The following KDM2B variants were observed in gnomAD, a reference collection of about 807,000 sequenced individuals.
The protein encoded by KDM2B is lysine demethylase 2B.
A neutral mutation model predicts 150.0 loss-of-function variants in KDM2B; 26 were observed. That is an observed-to-expected ratio of 0.17 (90% confidence interval 0.13 to 0.24). The LOEUF (loss-of-function observed/expected upper bound fraction) is 0.24, where lower values mean the gene tolerates loss of function less well. KDM2B is among the 10% of genes least tolerant of loss of function. The pLI is 1.00. For synonymous variants in KDM2B, 734 were observed against 729.5 expected, an observed-to-expected ratio of 1.01 and a Z score of -0.10; for missense variants, 1,265 against 1,816.9, an observed-to-expected ratio of 0.70 and a Z score of 5.52.
intron 12 of KDM2B, among the ~76,000 whole-genome samples, chr12:121,487,411 A>G (rs2140196459): frequency 6.6e-6 from 1 of 152,296 alleles, no homozygotes; most frequent in African/African-American, 2.4e-5. Flanking sequence ...TCGGAGGCCC[A>G]GGTTTCTCTT....
chr12:121,440,813 C>G lies in KDM2B; in HGVS notation c.3610+3G>C. ...CACAGAAACCCCCAGCCTGGCAACTCACCTGGCCTGTTGTCTGTGGGCGGG... is the reference window on the plus strand; with the variant it reads ...CACAGAAACCCCCAGCCTGGCAACTGACCTGGCCTGTTGTCTGTGGGCGGG... On this transcript the variant is annotated splice_donor_region_variant and intron_variant, in intron 21 of 22. Coordinates refer to ENST00000377071, the MANE Select transcript of KDM2B (RefSeq NM_032590.5). 1 of 1,606,320 alleles carries G rather than the reference C, an allele frequency of 6.2e-7. No homozygotes were observed. Among genetic ancestry groups the G allele is most frequent in the Non-Finnish European group, 8.5e-7 (1 of 1,175,924 alleles).
chr12:121,461,748 A>G (rs1209363249), intron 12 of KDM2B, among the ~76,000 whole-genome samples: 1 of 152,202 alleles, frequency 6.6e-6, no homozygotes, highest in Admixed American at 6.5e-5. Context: ...AACCAGAGCT[A>G]AGGTACACAC....
rs1489432040 is a variant in KDM2B, at chr12:121,549,696, A to G, written c.398-58T>C. The G allele has an allele frequency of 6.9e-7, 1 of 1,444,846 alleles. No homozygotes were observed. The highest frequency in any genetic ancestry group is 9.4e-7 in the Non-Finnish European group (1 of 1,069,494). 89.5% of individuals were successfully genotyped at this position (1,444,846 alleles called of 1,614,324 possible). A position where few individuals can be genotyped will look rare whatever the true frequency, so the allele number is the denominator to read the frequency against. On this transcript the variant is annotated intron_variant, in intron 4 of 22. Transcript: ENST00000377071. This position sits in a 1 kb window ranked among gnomAD's most constrained non-coding sequence, Gnocchi z 4.4. Reference sequence around the variant, plus strand: ...GCCGGCTTAAGGCTCCAGATCCTACATGGGAGCCCCTCACTAAACAAAAGC... The same window carrying G: ...GCCGGCTTAAGGCTCCAGATCCTACGTGGGAGCCCCTCACTAAACAAAAGC...
chr12:121,529,103 C>T (rs1887409828), intron 8 of KDM2B, among the ~76,000 whole-genome samples: 1 of 152,204 alleles, frequency 6.6e-6, no homozygotes, highest in Non-Finnish European at 1.5e-5. Context: ...ATACTAGTAA[C>T]TAAATCCAAC....
chr12:121,483,329 GA>G (rs1324342541), intron 12 of KDM2B, among the ~76,000 whole-genome samples: 2 of 151,824 alleles, frequency 1.3e-5, no homozygotes, highest in Non-Finnish European at 1.5e-5. Context: ...GATGCTAGTG[GA>G]GGCTCCGTTC....
At chr12:121,408,954 T>G in the KDM2B span, among the ~76,000 whole-genome samples, 3 of 151,816 alleles carry the variant, frequency 2.0e-5, no homozygotes, top group African/African-American at 7.3e-5. Context: ...AGAATCAGAT[T>G]GTTAAAAACT....
chr12:121,564,221 G>C (rs1490440194), intron 4 of KDM2B, among the ~76,000 whole-genome samples: 2 of 152,148 alleles, frequency 1.3e-5, no homozygotes, highest in African/African-American at 4.8e-5. Flanking sequence ...ACTTTGGGAA[G>C]CTGAAGCGGG....
At chr12:121,478,631 T>G (rs1555297242) in intron 12 of KDM2B, among the ~76,000 whole-genome samples, 1 of 152,062 alleles carries the variant, frequency 6.6e-6, no homozygotes, top group African/African-American at 2.4e-5. Context: ...AGTGCTGGGA[T>G]TACAGGCGTG....
intron 4 of KDM2B, among the ~76,000 whole-genome samples, chr12:121,561,809 T>G (rs1324482511): frequency 1.3e-5 from 2 of 152,102 alleles, no homozygotes; most frequent in Non-Finnish European, 2.9e-5. Context: ...ATTTGTGAAA[T>G]GGGGAAGCAG....
At chr12:121,525,487 G>A (rs781994599) in intron 8 of KDM2B, among the ~76,000 whole-genome samples, 4 of 152,024 alleles carry the variant, frequency 2.6e-5, no homozygotes, top group Admixed American at 6.6e-5. Context: ...CAGGTGATCC[G>A]CCCACCTCAG....
At chr12:121,578,572 G>A (rs1200842206) in intron 2 of KDM2B, among the ~76,000 whole-genome samples, 2 of 152,024 alleles carry the variant, frequency 1.3e-5, no homozygotes, top group South Asian at 4.1e-4. Context: ...CCCACCCTGG[G>A]GCTGGTGGTG....
rs1877882574 is a variant in KDM2B, at chr12:121,454,384, A to G, written c.1735-1040T>C. The stretch of plus-strand genomic sequence containing the variant: ...TGCTCCCTTCCCTGGGACTCACAGA[A>G]GAGAGAGACAGTAGGTGGACAGAGA... On this transcript the variant is annotated intron_variant, in intron 12 of 22. Coordinates refer to ENST00000377071, the MANE Select transcript of KDM2B (RefSeq NM_032590.5). 2.0e-5 allele frequency among the ~76,000 whole-genome samples: 3 copies of G among 152,180 alleles called. No individual in the cohort carries two copies. The South Asian group carries it at 6.2e-4, about 32-fold the overall frequency.
At chr12:121,539,588 C>T (rs1888439855) in intron 6 of KDM2B, among the ~76,000 whole-genome samples, 2 of 152,048 alleles carry the variant, frequency 1.3e-5, no homozygotes, top group Non-Finnish European at 2.9e-5. Flanking sequence ...AACTCAGAGT[C>T]CCACTAATCA....
At chr12:121,412,724 C>CTTT in the KDM2B span, among the ~76,000 whole-genome samples, 28 of 121,910 alleles carry the variant, frequency 2.3e-4, no homozygotes, top group African/African-American at 7.0e-4. Flanking sequence ...GATGTTCATG[C>CTTT]TTTTTTTTTT....
intron 4 of KDM2B, among the ~76,000 whole-genome samples, chr12:121,573,188 G>A (rs1555316270): frequency 6.7e-6 from 1 of 149,028 alleles, no homozygotes; most frequent in East Asian, 2.0e-4. Context: ...CAAACTCCTG[G>A]CCTCAAGCAA....
the KDM2B span, among the ~76,000 whole-genome samples, chr12:121,417,267 C>A: frequency 6.6e-6 from 1 of 152,346 alleles, no homozygotes; most frequent in East Asian, 1.9e-4. This position sits in a 1 kb window ranked among gnomAD's most constrained non-coding sequence, Gnocchi z 5.0. Flanking sequence ...TTCATTAACA[C>A]AAGAGTGTGT....
the KDM2B span, among the ~76,000 whole-genome samples, chr12:121,409,272 A>G: frequency 2.0e-5 from 3 of 152,088 alleles, no homozygotes; most frequent in African/African-American, 7.2e-5. Flanking sequence ...GGACCACAAC[A>G]CTTGGCCAAA....
At position 121,521,497 on chromosome 12, in the gene KDM2B, G is replaced by A. The variant is rs1886686016; in HGVS notation, c.932-397C>T. Reference sequence around the variant, plus strand: ...CTCCCAGGTGGCACATGTGTCCAGAGTCTTTCCTCACCATCCCAGAGGGGT... The same window carrying A: ...CTCCCAGGTGGCACATGTGTCCAGAATCTTTCCTCACCATCCCAGAGGGGT... On this transcript the variant is annotated intron_variant, in intron 8 of 22. Coordinates refer to ENST00000377071, the MANE Select transcript of KDM2B (RefSeq NM_032590.5). The surrounding 1 kb of genome is among the most constrained non-coding windows in gnomAD (Gnocchi z 4.9). 2.0e-5 allele frequency among the ~76,000 whole-genome samples: 3 copies of A among 152,210 alleles called. No individual in the cohort carries two copies. In the South Asian group the frequency reaches 6.2e-4, roughly 32 times the overall value.
intron 12 of KDM2B, among the ~76,000 whole-genome samples, chr12:121,456,891 C>T (rs1308284070): frequency 3.3e-5 from 5 of 152,194 alleles, no homozygotes; most frequent in Non-Finnish European, 7.3e-5. Context: ...TCTCTCGAGA[C>T]CTTGATGAGG....
Sources: gnomAD v4.1 joint callset for allele counts (sites outside exome capture counted in the v4.1 genomes callset) on GRCh38, gnomAD v4.1.1 for gene constraint, Gnocchi (gnomAD v3.1) non-coding constraint, MANE v1.5 for transcripts, NCBI Gene and HGNC (gene_info 2026-07-23, HGNC 2026-07-21) for gene names.